Variants in GRID2 observed in about 807,000 individuals in gnomAD.
GRID2 encodes glutamate ionotropic receptor delta type subunit 2, also known as glutamate receptor ionotropic, delta-2.
In GRID2, 33 loss-of-function variants were observed where a neutral mutation model predicts 114.8. The observed-to-expected ratio is 0.29, with a 90% CI of 0.22 to 0.38. GRID2 has a LOEUF of 0.38. Among genes scored for constraint, GRID2 ranks in the 10% least tolerant of loss-of-function variants. The pLI is 1.00. For synonymous variants in GRID2, 505 were observed against 449.9 expected (o/e 1.12, Z -1.55); for missense variants, 1,184 against 1,257.7 (o/e 0.94, Z 0.89).
chr4:93,127,392 A>G (rs537809123), intron 4 of GRID2, among the ~76,000 whole-genome samples: 1 of 152,344 alleles, frequency 6.6e-6, no homozygotes, highest in Admixed American at 6.5e-5. Context: ...AAAATAAATG[A>G]AAAAGAAAAA....
intron 2 of GRID2, among the ~76,000 whole-genome samples, chr4:92,649,915 G>A (rs62309196): frequency 0.057 from 8,600 of 151,962 alleles, 331 homozygotes; most frequent in East Asian, 0.16. Flanking sequence ...TATTAAGTCA[G>A]AAGTTCACAT....
At chr4:93,268,014 A>G (rs1355431813) in intron 8 of GRID2, among the ~76,000 whole-genome samples, 1 of 152,124 alleles carries the variant, frequency 6.6e-6, no homozygotes, top group Admixed American at 6.6e-5. Flanking sequence ...GGGAATGTGT[A>G]TTGCAGAGAC....
intron 2 of GRID2, among the ~76,000 whole-genome samples, chr4:92,987,073 A>G (rs1754549828): frequency 6.6e-6 from 1 of 152,218 alleles, no homozygotes; most frequent in Admixed American, 6.5e-5. Flanking sequence ...CTGTGCAAAT[A>G]TTATTGTGTC....
At chr4:92,965,509 GCA>G (rs1753102392) in intron 2 of GRID2, among the ~76,000 whole-genome samples, 1 of 109,830 alleles carries the variant, frequency 9.1e-6, no homozygotes. Context: ...TCTGGGAAAT[GCA>G]ACAAAGATGA....
intron 6 of GRID2, among the ~76,000 whole-genome samples, chr4:93,219,172 T>C (rs1744595920): frequency 6.6e-6 from 1 of 152,156 alleles, no homozygotes; most frequent in African/African-American, 2.4e-5. Context: ...AGAATTTTGA[T>C]TTAGAAAATT....
chr4:93,535,815 G>T (rs1732006166), intron 13 of GRID2, among the ~76,000 whole-genome samples: 1 of 151,808 alleles, frequency 6.6e-6, no homozygotes, highest in South Asian at 2.1e-4. Context: ...TCAGATGTAT[G>T]GTTTGCAAAT....
chr4:92,942,637 A>G (rs1035902689), intron 2 of GRID2, among the ~76,000 whole-genome samples: 1 of 152,134 alleles, frequency 6.6e-6, no homozygotes, highest in African/African-American at 2.4e-5. Context: ...TATTTTGCTC[A>G]TTAGTTGATG....
intron 14 of GRID2, among the ~76,000 whole-genome samples, chr4:93,756,670 T>C (rs949689861): frequency 7.9e-5 from 12 of 152,162 alleles, no homozygotes; most frequent in African/African-American, 1.2e-4. Flanking sequence ...AAAGGCCCCA[T>C]CTCAAAATAT....
chr4:92,726,600 A>T (rs987155198), intron 2 of GRID2, among the ~76,000 whole-genome samples: 1 of 152,068 alleles, frequency 6.6e-6, no homozygotes, highest in African/African-American at 2.4e-5. Flanking sequence ...CTTATTTTGA[A>T]GCTGTAGTGA....
intron 2 of GRID2, among the ~76,000 whole-genome samples, chr4:92,635,999 T>C (rs528187101): frequency 1.3e-5 from 2 of 152,146 alleles, no homozygotes; most frequent in African/African-American, 4.8e-5. Context: ...TGTTAAAAAT[T>C]GGTGCCTGAT....
intron 13 of GRID2, among the ~76,000 whole-genome samples, chr4:93,582,249 C>G (rs1737053992): frequency 6.6e-6 from 1 of 152,134 alleles, no homozygotes; most frequent in Admixed American, 6.6e-5. Context: ...ATTTTCAAAG[C>G]CAACAGCATC....
At chr4:93,477,658 T>C (rs1725449207) in intron 11 of GRID2, among the ~76,000 whole-genome samples, 1 of 152,152 alleles carries the variant, frequency 6.6e-6, no homozygotes, top group Admixed American at 6.6e-5. Flanking sequence ...TGCTAATTAA[T>C]GTTCTGGAAA....
chr4:92,944,624 G>A (rs991294179), intron 2 of GRID2, among the ~76,000 whole-genome samples: 1 of 152,224 alleles, frequency 6.6e-6, no homozygotes, highest in African/African-American at 2.4e-5. Context: ...AGTTGGAAAA[G>A]TAGAAATCAC....
At chr4:92,969,007 A>G (rs1753330605) in intron 2 of GRID2, among the ~76,000 whole-genome samples, 1 of 151,772 alleles carries the variant, frequency 6.6e-6, no homozygotes, top group African/African-American at 2.4e-5. Context: ...TTGATATAAC[A>G]GAGTTTTTAC....
At chr4:93,053,468 A>G (rs898252315) in intron 2 of GRID2, among the ~76,000 whole-genome samples, 2 of 151,882 alleles carry the variant, frequency 1.3e-5, no homozygotes, top group African/African-American at 4.8e-5. Flanking sequence ...AGTTCTGTCT[A>G]GTTTTTTCTG....
chr4:93,019,445 A>G (rs894185797), intron 2 of GRID2, among the ~76,000 whole-genome samples: 1 of 152,168 alleles, frequency 6.6e-6, no homozygotes, highest in African/African-American at 2.4e-5. Flanking sequence ...CTCTTATTTA[A>G]CCAATTGCTG....
intron 2 of GRID2, chr4:92,884,990 A>G (rs1377205962): frequency 3.4e-6 from 1 of 294,578 alleles, no homozygotes; most frequent in Non-Finnish European, 6.9e-6. Flanking sequence ...GGTGTATAGG[A>G]TTAATTACTG....
At chr4:93,784,645 TACACACAC>T (rs59896203) in intron 1 of GRID2, among the ~76,000 whole-genome samples, 23 of 147,738 alleles carry the variant, frequency 1.6e-4, no homozygotes, top group Admixed American at 6.1e-4. Flanking sequence ...GTCCTTTTTA[TACACACAC>T]ACACACACAC....
At chr4:93,210,696 C>T (rs1743364371) in intron 5 of GRID2, among the ~76,000 whole-genome samples, 1 of 151,824 alleles carries the variant, frequency 6.6e-6, no homozygotes. Context: ...TAGGTGTAAC[C>T]TGAATAGACT....
Sources: gnomAD v4.1 joint callset for allele counts (sites outside exome capture counted in the v4.1 genomes callset) on GRCh38, gnomAD v4.1.1 for gene constraint, MANE v1.5 for transcripts, NCBI Gene and HGNC (gene_info 2026-07-23, HGNC 2026-07-21) for gene names.